HDAC8: variants seen among roughly 807,000 people sequenced by gnomAD.
The protein encoded by HDAC8 is histone deacetylase 8.
In HDAC8, 1 loss-of-function variant was observed where a neutral mutation model predicts 32.2. The ratio of observed to expected loss-of-function variants is 0.03; its 90% CI spans 0.01 to 0.15. HDAC8 has a LOEUF of 0.15. Ranked by LOEUF, HDAC8 falls within the 10% of genes least tolerant of loss-of-function variation. HDAC8 has a pLI of 1.00. For synonymous variants in HDAC8, 108 were observed against 113.9 expected, an observed-to-expected ratio of 0.95 and a Z score of 0.33; for missense variants, 117 against 300.0, an observed-to-expected ratio of 0.39 and a Z score of 4.51.
At chrX:72,383,391 G>A (rs1419752348) in intron 9 of HDAC8, among the ~76,000 whole-genome samples, 1 of 112,105 alleles carries the variant, frequency 8.9e-6, no homozygotes, top group Non-Finnish European at 1.9e-5. Context: ...AACTATATTG[G>A]ATAATTTACA....
chrX:72,450,478 G>GT (rs2047542519), intron 9 of HDAC8, among the ~76,000 whole-genome samples: 1 of 112,145 alleles, frequency 8.9e-6, no homozygotes, highest in East Asian at 2.8e-4. Flanking sequence ...TTTTACTGCA[G>GT]TATAGTCATG....
intron 9 of HDAC8, among the ~76,000 whole-genome samples, chrX:72,387,036 A>G (rs2045454128): frequency 8.9e-6 from 1 of 112,113 alleles, no homozygotes; most frequent in Admixed American, 9.5e-5. Context: ...TGAGGGAATC[A>G]AAACCGAAAA....
chrX:72,450,948 A>G (rs1187054397), intron 9 of HDAC8, among the ~76,000 whole-genome samples: 1 of 111,869 alleles, frequency 8.9e-6, no homozygotes, highest in African/African-American at 3.2e-5. Context: ...GAGTCCTGAT[A>G]TGATGTTCAA....
At chrX:72,472,370 C>T (rs2048212319) in intron 7 of HDAC8, among the ~76,000 whole-genome samples, 1 of 111,570 alleles carries the variant, frequency 9.0e-6, no homozygotes, top group Non-Finnish European at 1.9e-5. Flanking sequence ...CCCGGCCCAA[C>T]TTTATTCTTT....
At chrX:72,551,211 A>T (rs1302454633) in intron 4 of HDAC8, among the ~76,000 whole-genome samples, 2 of 111,315 alleles carry the variant, frequency 1.8e-5, no homozygotes, top group African/African-American at 6.5e-5. Context: ...AATGATTTGA[A>T]TACCAAGTGA....
chrX:72,506,306 G>T (rs782543472), intron 4 of HDAC8, among the ~76,000 whole-genome samples: 3 of 112,146 alleles, frequency 2.7e-5, no homozygotes, highest in Non-Finnish European at 5.6e-5. Context: ...AAGAAAAGAG[G>T]TTTGTTTGGC....
At chrX:72,449,370 T>C (rs1195709845) in intron 9 of HDAC8, among the ~76,000 whole-genome samples, 1 of 109,500 alleles carries the variant, frequency 9.1e-6, no homozygotes, top group Non-Finnish European at 1.9e-5. Context: ...TAAGTGGGAG[T>C]TGAACAATGA....
At chrX:72,341,299 G>A (rs782566400) in intron 10 of HDAC8, among the ~76,000 whole-genome samples, 3 of 111,778 alleles carry the variant, frequency 2.7e-5, no homozygotes, top group Admixed American at 9.5e-5. Flanking sequence ...TATGTGTCAG[G>A]GGATGAGGGT....
At chrX:72,552,171 A>C (rs1036612512) in intron 4 of HDAC8, among the ~76,000 whole-genome samples, 2 of 112,333 alleles carry the variant, frequency 1.8e-5, no homozygotes, top group Non-Finnish European at 3.8e-5. Context: ...TGTACATATA[A>C]AAATATAGGG....
At chrX:72,523,809 T>A (rs1556030139) in intron 4 of HDAC8, among the ~76,000 whole-genome samples, 2 of 112,253 alleles carry the variant, frequency 1.8e-5, no homozygotes, top group African/African-American at 6.5e-5. Flanking sequence ...AGGTAGGTTC[T>A]ATCACCAATC....
chrX:72,567,687 G>A, intron 4 of HDAC8: 1 of 1,166,976 alleles, frequency 8.6e-7, no homozygotes, highest in Admixed American at 2.2e-5. Context: ...TAGAGCCCAG[G>A]TGTCCTGACT....
At chrX:72,345,573 A>G (rs3012660) in intron 10 of HDAC8, among the ~76,000 whole-genome samples, 5,163 of 111,771 alleles carry the variant, frequency 0.046, 207 homozygotes, top group African/African-American at 0.13. Flanking sequence ...TTAGGTAGAA[A>G]TTCCAAGTCT....
rs146126003 is a variant in HDAC8, at chrX:72,367,347, C to T, written c.1006-15509G>A. Among the ~76,000 whole-genome samples the T allele has an allele frequency of 1.1e-3, 121 of 111,984 alleles. No homozygotes were observed. In the East Asian group the frequency reaches 0.032, roughly 29 times the overall value. On this transcript the variant is annotated intron_variant, in intron 9 of 10. Transcript: ENST00000373573. ...CAGCACGGAGTAGTAGGAAAGGTCC[C>T]CAGCACTGCGATCAGGGGCCTGGTT...
chrX:72,368,979 C>A (rs1482833155), intron 9 of HDAC8, among the ~76,000 whole-genome samples: 2 of 111,898 alleles, frequency 1.8e-5, no homozygotes, highest in Non-Finnish European at 3.8e-5. Context: ...TTCTGGCAAG[C>A]TGCAAGAAGT....
At chrX:72,345,434 A>G (rs1276263164) in intron 10 of HDAC8, among the ~76,000 whole-genome samples, 2 of 111,182 alleles carry the variant, frequency 1.8e-5, no homozygotes, top group African/African-American at 6.5e-5. Flanking sequence ...ATGTTACACA[A>G]TGTCTTCGGG....
intron 4 of HDAC8, among the ~76,000 whole-genome samples, chrX:72,544,360 G>A (rs2050797026): frequency 9.0e-6 from 1 of 111,534 alleles, no homozygotes; most frequent in Non-Finnish European, 1.9e-5. Flanking sequence ...TATAGGCCAG[G>A]GCTGGGGTAG....
At chrX:72,449,403 G>T (rs1227254531) in intron 9 of HDAC8, among the ~76,000 whole-genome samples, 4 of 110,766 alleles carry the variant, frequency 3.6e-5, no homozygotes, top group African/African-American at 1.3e-4. Flanking sequence ...ACAGGGAGGG[G>T]AACATCACAC....
At chrX:72,486,452 C>T (rs2048678737) in intron 7 of HDAC8, among the ~76,000 whole-genome samples, 1 of 112,292 alleles carries the variant, frequency 8.9e-6, no homozygotes, top group African/African-American at 3.2e-5. Context: ...ATGCTCTGAC[C>T]CTTTCACAAT....
At chrX:72,346,482 T>C (rs1005010081) in intron 10 of HDAC8, among the ~76,000 whole-genome samples, 1 of 112,284 alleles carries the variant, frequency 8.9e-6, no homozygotes, top group Non-Finnish European at 1.9e-5. Flanking sequence ...TGCGCAAACC[T>C]GAGCTCCAAT....
Sources: allele counts gnomAD v4.1 joint callset (sites outside exome capture counted in the v4.1 genomes callset), GRCh38; gene constraint gnomAD v4.1.1; transcripts MANE v1.5; gene names NCBI Gene and HGNC (gene_info 2026-07-23, HGNC 2026-07-21).